The following CDK14 variants were observed in gnomAD, a reference collection of about 807,000 sequenced individuals.
CDK14 encodes cyclin-dependent kinase 14.
A neutral mutation model predicts 60.7 loss-of-function variants in CDK14; 34 were observed. The observed-to-expected ratio is 0.56, with a 90% CI of 0.43 to 0.75. The LOEUF (loss-of-function observed/expected upper bound fraction) is 0.75. Ranked by LOEUF, CDK14 falls within the 30% of genes least tolerant of loss-of-function variation. The probability of loss-of-function intolerance (pLI) is 0.00; values close to 1 mark genes in which losing one functional copy is unlikely to be tolerated. For synonymous variants in CDK14, 197 were observed against 203.7 expected (o/e 0.97, Z 0.28); for missense variants, 482 against 564.1 (o/e 0.85, Z 1.47).
intron 4 of CDK14, among the ~76,000 whole-genome samples, chr7:90,765,331 C>G: frequency 6.6e-6 from 1 of 151,772 alleles, no homozygotes; most frequent in East Asian, 1.9e-4. Context: ...GAACTGTGCC[C>G]AAAGCAGAGC....
rs1554325107 is a variant in CDK14, at chr7:90,740,270, T to TATAG, written c.370-7410_370-7409insTAGA. 6.3e-3 allele frequency among the ~76,000 whole-genome samples: 882 copies of TATAG among 140,112 alleles called. 2 individuals carry two copies. Among genetic ancestry groups the TATAG allele is most frequent in the Non-Finnish European group, 8.4e-3 (538 of 63,768 alleles). 91.9% of individuals were successfully genotyped at this position (140,112 alleles called of 152,430 possible). The stretch of plus-strand genomic sequence containing the variant: ...GTGTGTGTGTATATATATATATATA[T>TATAG]AGAGAGAGAGAGAGAGAGAGAAAGA... On this transcript the variant is annotated intron_variant, in intron 3 of 14. Transcript: ENST00000380050.
At chr7:90,906,058 G>A (rs777259219) in intron 7 of CDK14, among the ~76,000 whole-genome samples, 10 of 151,922 alleles carry the variant, frequency 6.6e-5, no homozygotes, top group Admixed American at 2.0e-4. Flanking sequence ...CAAAAAATTC[G>A]GACTATGACA....
intron 14 of CDK14, among the ~76,000 whole-genome samples, chr7:91,199,463 A>G (rs1802650355): frequency 6.6e-6 from 1 of 152,192 alleles, no homozygotes; most frequent in South Asian, 2.1e-4. Context: ...GTCCATGTGT[A>G]TCTAAAATAT....
chr7:91,087,142 C>G lies in CDK14; in HGVS notation c.1154+7662C>G. Reference sequence around the variant, plus strand: ...TCCCTAGTATCCACTGTTACCCATTCCACCTTCTACTTATTTGATTTTCAT... The same window carrying G: ...TCCCTAGTATCCACTGTTACCCATTGCACCTTCTACTTATTTGATTTTCAT... On this transcript the variant is annotated intron_variant, in intron 12 of 14. Transcript: ENST00000380050. Among the ~76,000 whole-genome samples the G allele has an allele frequency of 1.3e-5, 2 of 152,136 alleles. 1 individual carries two copies. Among genetic ancestry groups the G allele is most frequent in the Non-Finnish European group, 2.9e-5 (2 of 68,024 alleles).
chr7:91,118,515 G>A (rs1271346251), intron 14 of CDK14, among the ~76,000 whole-genome samples: 2 of 152,138 alleles, frequency 1.3e-5, no homozygotes, highest in Admixed American at 6.6e-5. Context: ...GGTTCACTTT[G>A]GGCTGTATCT....
chr7:90,749,619 C>G (rs916407332), intron 4 of CDK14, among the ~76,000 whole-genome samples: 1 of 152,214 alleles, frequency 6.6e-6, no homozygotes, highest in Non-Finnish European at 1.5e-5. Flanking sequence ...CACAAAAACT[C>G]TGGTGTAGCA....
chr7:90,939,179 T>G (rs1028142565), intron 8 of CDK14, among the ~76,000 whole-genome samples: 1 of 152,224 alleles, frequency 6.6e-6, no homozygotes, highest in Non-Finnish European at 1.5e-5. Flanking sequence ...TCAGCCGTAG[T>G]GTAAGATTTC....
At chr7:90,818,483 C>A (rs1789433075) in intron 5 of CDK14, among the ~76,000 whole-genome samples, 2 of 152,196 alleles carry the variant, frequency 1.3e-5, no homozygotes, top group African/African-American at 4.8e-5. Context: ...GAATCACTGG[C>A]AGTTTAGTTA....
At chr7:90,952,260 G>A (rs1368834122) in intron 8 of CDK14, among the ~76,000 whole-genome samples, 1 of 152,104 alleles carries the variant, frequency 6.6e-6, no homozygotes, top group Non-Finnish European at 1.5e-5. Flanking sequence ...ACTGTCCCGT[G>A]GTTTATTCTG....
intron 6 of CDK14, among the ~76,000 whole-genome samples, chr7:90,875,224 C>G (rs1791517092): frequency 6.6e-6 from 1 of 152,208 alleles, no homozygotes; most frequent in Non-Finnish European, 1.5e-5. Flanking sequence ...ATATTCCATA[C>G]TTTGGATATA....
At chr7:90,873,654 G>A (rs1165484604) in intron 6 of CDK14, among the ~76,000 whole-genome samples, 1 of 152,092 alleles carries the variant, frequency 6.6e-6, no homozygotes, top group Non-Finnish European at 1.5e-5. Context: ...AAGTCAATTA[G>A]TTCCAGGTTT....
At chr7:90,860,839 T>C (rs1369095116) in intron 5 of CDK14, among the ~76,000 whole-genome samples, 3 of 152,186 alleles carry the variant, frequency 2.0e-5, no homozygotes, top group Non-Finnish European at 4.4e-5. Flanking sequence ...CATTCCTTTT[T>C]TCAATCAAAG....
At chr7:90,886,552 C>T (rs930077910) in intron 6 of CDK14, among the ~76,000 whole-genome samples, 1 of 152,028 alleles carries the variant, frequency 6.6e-6, no homozygotes, top group African/African-American at 2.4e-5. Context: ...TTGTTCTTTC[C>T]CTTGAAATAT....
At chr7:90,765,269 C>G (rs1804507283) in intron 4 of CDK14, among the ~76,000 whole-genome samples, 1 of 151,994 alleles carries the variant, frequency 6.6e-6, no homozygotes, top group South Asian at 2.1e-4. Context: ...TTTTTTACTA[C>G]TTGTTCTTGA....
intron 8 of CDK14, among the ~76,000 whole-genome samples, chr7:90,925,834 T>C (rs2117450174): frequency 6.6e-6 from 1 of 152,384 alleles, no homozygotes; most frequent in Admixed American, 6.5e-5. Flanking sequence ...TTATAGTTTG[T>C]TATTCAGAAT....
chr7:90,598,703 G>GGTTTTTT (rs1563010964), intron 1 of CDK14, among the ~76,000 whole-genome samples: 1 of 18,624 alleles, frequency 5.4e-5, no homozygotes, highest in Non-Finnish European at 9.7e-5. Context: ...ATTATCTAAG[G>GGTTTTTT]ATTTTTTTTT....
At chr7:90,610,382 A>G (rs1228453275) in intron 2 of CDK14, among the ~76,000 whole-genome samples, 1 of 152,186 alleles carries the variant, frequency 6.6e-6, no homozygotes, top group East Asian at 1.9e-4. Flanking sequence ...ACTGTGGACC[A>G]TCTTGCATTT....
chr7:90,885,843 T>G (rs947915262), intron 6 of CDK14, among the ~76,000 whole-genome samples: 1 of 152,102 alleles, frequency 6.6e-6, no homozygotes, highest in Non-Finnish European at 1.5e-5. Flanking sequence ...TTCTCACTTA[T>G]AAGTGGGAGT....
chr7:90,623,155 TAG>T (rs1799809108), intron 2 of CDK14, among the ~76,000 whole-genome samples: 1 of 152,094 alleles, frequency 6.6e-6, no homozygotes, highest in Admixed American at 6.6e-5. Context: ...TTTTTCTTTA[TAG>T]AGTTTGTGAT....
Sources: gnomAD v4.1 joint callset for allele counts (sites outside exome capture counted in the v4.1 genomes callset) on GRCh38, gnomAD v4.1.1 for gene constraint, MANE v1.5 for transcripts, NCBI Gene and HGNC (gene_info 2026-07-23, HGNC 2026-07-21) for gene names.